Variants in MYOF observed in about 807,000 individuals in gnomAD.
MYOF encodes myoferlin, also known as fer-1-like 3, myoferlin.
A neutral mutation model predicts 284.2 loss-of-function variants in MYOF; 244 were observed. That is an observed-to-expected ratio of 0.86 (90% CI 0.77 to 0.95). The LOEUF (loss-of-function observed/expected upper bound fraction) is 0.95, where lower values mean the gene tolerates loss of function less well. Ranked by LOEUF, MYOF falls within the 40% of genes least tolerant of loss-of-function variation. The pLI, the probability that MYOF is intolerant of heterozygous loss-of-function variation, is 0.00. For synonymous variants in MYOF, 904 were observed against 919.7 expected (o/e 0.98, Z 0.31); for missense variants, 2,496 against 2,560.6 (o/e 0.97, Z 0.54).
intron 31 of MYOF, among the ~76,000 whole-genome samples, chr10:93,354,426 A>G (rs1844688295): frequency 6.6e-6 from 1 of 152,138 alleles, no homozygotes; most frequent in African/African-American, 2.4e-5. Flanking sequence ...GCTCAATGCA[A>G]AGTGTATCAA....
In MYOF at chr10:93,328,724, T is replaced by C. The variant is rs374827225; in HGVS notation, c.5131+39A>G. ...ACCCAGCAATATATATGGGTTACTATACTTTGTACCAGTTTACAATCCACA... is the reference window on the plus strand; with the variant it reads ...ACCCAGCAATATATATGGGTTACTACACTTTGTACCAGTTTACAATCCACA... On this transcript the variant is annotated intron_variant, in intron 45 of 53. Transcript: ENST00000359263. The C allele has an allele frequency of 3.2e-6, 5 of 1,585,994 alleles. No homozygotes were observed. In the African/African-American group the frequency reaches 4.0e-5, roughly 13 times the overall value.
intron 45 of MYOF, among the ~76,000 whole-genome samples, chr10:93,326,516 C>A (rs1843054043): frequency 6.6e-6 from 1 of 152,226 alleles, no homozygotes; most frequent in Non-Finnish European, 1.5e-5. Flanking sequence ...GACAGCTACC[C>A]ACCTGGAGGA....
At chr10:93,394,843 C>T (rs1416114640) in intron 16 of MYOF, among the ~76,000 whole-genome samples, 1 of 150,472 alleles carries the variant, frequency 6.6e-6, no homozygotes, top group African/African-American at 2.4e-5. Context: ...CTAATACCTT[C>T]TTTACCTTCT....
Position 93,355,613 on chromosome 10 carries a change from T to C in MYOF, c.3403+15A>G, listed in dbSNP as rs1844759533. 2.7e-6 allele frequency: 4 copies of C among 1,470,158 alleles called. No individual in the cohort carries two copies. The highest frequency in any genetic ancestry group is 9.4e-7 in the Non-Finnish European group (1 of 1,058,594). 91.1% of individuals were successfully genotyped at this position (1,470,158 alleles called of 1,614,324 possible). A position where few individuals can be genotyped will look rare whatever the true frequency, so the allele number is the denominator to read the frequency against. ...AAAATAAAATAAAATAAATCAAAAA[T>C]AAAACAAAACTCACTGTCAAAATTG... On this transcript the variant is annotated intron_variant, in intron 31 of 53. Coordinates refer to ENST00000359263, the MANE Select transcript of MYOF (RefSeq NM_013451.4).
intron 1 of MYOF, among the ~76,000 whole-genome samples, chr10:93,481,900 T>G (rs1457791419): frequency 6.6e-6 from 1 of 152,172 alleles, no homozygotes; most frequent in East Asian, 1.9e-4. Context: ...AGCTAAAACA[T>G]CAGGTCATTC....
intron 4 of MYOF, among the ~76,000 whole-genome samples, chr10:93,430,324 G>A (rs1432573874): frequency 6.6e-6 from 1 of 150,428 alleles, no homozygotes; most frequent in Non-Finnish European, 1.5e-5. Context: ...GCTCATGCCT[G>A]TAATCCCAGC....
chr10:93,382,852 A>G (rs1846188179), intron 19 of MYOF, among the ~76,000 whole-genome samples: 1 of 152,152 alleles, frequency 6.6e-6, no homozygotes, highest in Non-Finnish European at 1.5e-5. Flanking sequence ...GGTGGTACCC[A>G]GTCTCTGCGT....
chr10:93,333,176 C>T (rs535929457), intron 43 of MYOF, 45 bp downstream of exon 43: 90 of 1,492,512 alleles, frequency 6.0e-5, no homozygotes, highest in Admixed American at 1.7e-4. Context: ...ATGCATGTTC[C>T]GTGGAGAAAT....
rs1308479062 is a variant in MYOF, at chr10:93,359,852, G to A, written c.3101C>T (p.Thr1034Ile). The A allele has an allele frequency of 1.9e-6, 3 of 1,614,214 alleles. No homozygotes were observed. Among genetic ancestry groups the A allele is most frequent in the Non-Finnish European group, 2.5e-6 (3 of 1,180,028 alleles). The change falls in exon 29 of 54, where the codon ACT (threonine) becomes ATT (isoleucine). Residue 1034 changes from threonine (T) to isoleucine (I), a missense_variant. Physicochemically the swap from Thr to Ile is moderately conservative, Grantham distance 89 (BLOSUM62 -1). Coordinates refer to ENST00000359263, the MANE Select transcript of MYOF (RefSeq NM_013451.4). The part of the protein sequence containing the change: ...VRKRKKDLTQ[T>I]ASSTARAMEE... ...TCTTACCCTTGCGGTGCTTGAAGCAGTCTGTGTTAAATCTTTCTTGCGTTT... is the reference window on the plus strand; with the variant it reads ...TCTTACCCTTGCGGTGCTTGAAGCAATCTGTGTTAAATCTTTCTTGCGTTT...
rs1332601747 is a variant in MYOF at position 93,310,543 on chromosome 10, T to C, written c.5990A>G (p.Asp1997Gly). 6.2e-7 allele frequency: 1 copy of C among 1,614,040 alleles called. No individual in the cohort carries two copies. The highest frequency in any genetic ancestry group is 1.3e-5 in the African/African-American group (1 of 74,912). ...AAAGAAGGCCTCTCACTTTGGTAAGTCCAGCTTGGGGTTCATGTTGGGTTC... is the reference window on the plus strand; with the variant it reads ...AAAGAAGGCCTCTCACTTTGGTAAGCCCAGCTTGGGGTTCATGTTGGGTTC... ...RDEPNMNPKLDLPNRPETSFL... is the reference protein window; with the variant it reads ...RDEPNMNPKLGLPNRPETSFL... The change falls in exon 52 of 54, where the codon GAC (aspartate) becomes GGC (glycine). Residue 1997 changes from aspartate (D) to glycine (G), a missense_variant. Physicochemically the swap from Asp to Gly is moderately conservative, Grantham distance 94. Coordinates refer to ENST00000359263, the MANE Select transcript of MYOF (RefSeq NM_013451.4).
chr10:93,385,357 C>T lies in MYOF; in HGVS notation c.1698+2440G>A, dbSNP rs556308241. On this transcript the variant is annotated intron_variant, in intron 19 of 53. Coordinates refer to ENST00000359263, the MANE Select transcript of MYOF (RefSeq NM_013451.4). Reference sequence around the variant, plus strand: ...TGCAGCCTCTCTTGACCAGGCCCACCGGGAGCAATAGCTCAGCTCTGCTTT... The same window carrying T: ...TGCAGCCTCTCTTGACCAGGCCCACTGGGAGCAATAGCTCAGCTCTGCTTT... Among the ~76,000 whole-genome samples, 66 of 152,308 alleles carry T rather than the reference C, an allele frequency of 4.3e-4. 1 individual carries two copies. Among genetic ancestry groups the T allele is most frequent in the African/African-American group, 1.3e-3 (54 of 41,566 alleles).
At chr10:93,393,503 C>A (rs551906754) in intron 16 of MYOF, among the ~76,000 whole-genome samples, 1 of 152,330 alleles carries the variant, frequency 6.6e-6, no homozygotes, top group Non-Finnish European at 1.5e-5. Context: ...GAGACAGAAG[C>A]TAAAACTGCT....
chr10:93,398,205 C>A (rs139407595), intron 13 of MYOF, among the ~76,000 whole-genome samples: 1 of 152,150 alleles, frequency 6.6e-6, no homozygotes, highest in Non-Finnish European at 1.5e-5. Context: ...TCCCTGCTAA[C>A]ATTTTCTTCC....
rs17108619 is a variant in MYOF at position 93,397,588 on chromosome 10, C to T, written c.1222-132G>A. ...AGGAACCTGGTTAAACTTTATTTTT[C>T]TTGATGATTTGTAAAATATGACATG... is the stretch of plus-strand genomic sequence containing the variant. On this transcript the variant is annotated intron_variant, in intron 13 of 53. Coordinates refer to ENST00000359263, the MANE Select transcript of MYOF (RefSeq NM_013451.4). The T allele has an allele frequency of 8.8e-3, 4,850 of 549,310 alleles. 192 individuals carry two copies. The highest frequency in any genetic ancestry group is 0.085 in the African/African-American group (4,226 of 49,906). The allele number at this position is 549,310 out of a possible 1,614,324, so 34.0% of individuals were successfully genotyped here.
Position 93,353,867 on chromosome 10 carries a change from C to A in MYOF, c.3425G>T (p.Arg1142Leu). 6.2e-7 allele frequency: 1 copy of A among 1,607,786 alleles called. No individual in the cohort carries two copies. Among genetic ancestry groups the A allele is most frequent in the South Asian group, 1.1e-5 (1 of 90,180 alleles). ...NFDRVYIYHL[R>L]CYVYQARNLL... ...GTTTCTGGCTTGATAGACATAGCAG[C>A]GCAGATGGTAGATGTAGACTCCTAA... Residue 1142 changes from arginine (R) to leucine (L), a missense_variant, in exon 32 of 54, where the codon CGC (arginine) becomes CTC (leucine). By Grantham distance (102) the Arg-to-Leu change is moderately radical. Transcript: ENST00000359263.
chr10:93,392,984 C>G (rs375491344), intron 16 of MYOF, 29 bp from the exon 17 acceptor site: 5 of 1,577,980 alleles, frequency 3.2e-6, no homozygotes, highest in African/African-American at 2.7e-5. Context: ...ACTGGTTAAA[C>G]AAGAAGAACA....
At chr10:93,441,625 A>C (rs1035750114) in intron 3 of MYOF, among the ~76,000 whole-genome samples, 1 of 143,340 alleles carries the variant, frequency 7.0e-6, no homozygotes, top group Non-Finnish European at 1.5e-5. Flanking sequence ...GTGCAATGGC[A>C]CGGTCTCGGC....
At chr10:93,333,967 G>C (rs1345219649) in intron 41 of MYOF, 54 bp from the exon 42 acceptor site, 2 of 1,564,452 alleles carry the variant, frequency 1.3e-6, no homozygotes, top group Non-Finnish European at 1.7e-6. Context: ...CAGGTAGAGG[G>C]CTCCTGGGAA....
At chr10:93,372,274 C>A (rs1845628789) in intron 24 of MYOF, among the ~76,000 whole-genome samples, 1 of 152,096 alleles carries the variant, frequency 6.6e-6, no homozygotes, top group Admixed American at 6.5e-5. Context: ...CTAGGCTCAC[C>A]TTTGATTCCC....
Sources: allele counts gnomAD v4.1 joint callset (sites outside exome capture counted in the v4.1 genomes callset), GRCh38; gene constraint gnomAD v4.1.1; transcripts MANE v1.5; gene names NCBI Gene and HGNC (gene_info 2026-07-23, HGNC 2026-07-21).